The following VPS13A variants were observed in gnomAD, a reference collection of about 807,000 sequenced individuals.
VPS13A encodes the protein intermembrane lipid transfer protein VPS13A.
VPS13A carries 264 observed loss-of-function variants against 390.9 expected under a neutral mutation model. The observed-to-expected ratio is 0.68, with a 90% confidence interval of 0.61 to 0.75. VPS13A has a LOEUF of 0.75. Ranked by LOEUF, VPS13A falls within the 30% of genes least tolerant of loss-of-function variation. The probability of loss-of-function intolerance (pLI) is 0.00; values close to 1 mark genes in which losing one functional copy is unlikely to be tolerated. For missense variants in VPS13A, 3,409 were observed against 3,733.9 expected, an observed-to-expected ratio of 0.91 and a Z score of 2.27; for synonymous variants, 1,231 against 1,227.1, an observed-to-expected ratio of 1.00 and a Z score of -0.07.
In VPS13A at chr9:77,314,082, A is replaced by G; in HGVS notation, c.4205A>G (p.Asp1402Gly). The change falls in exon 36 of 72, where the codon GAT becomes GGT. Residue 1402 changes from aspartate (D) to glycine (G), a missense_variant. Asp to Gly is a moderately conservative substitution (Grantham distance 94). Transcript: ENST00000360280. ...TTLNISFKTD[D>G]LTMVLYSPGP... is the part of the protein sequence containing the mutation. ...CTAAACATAAGCTTCAAAACTGATG[A>G]TCTCACCATGGTGCTGTATAGTCCA... 1 of 1,613,408 alleles carries G rather than the reference A, an allele frequency of 6.2e-7. No individual in the cohort carries two copies. The highest frequency in any genetic ancestry group is 1.1e-5 in the South Asian group (1 of 91,040).
Position 77,340,399 on chromosome 9 carries a change from C to A in VPS13A, c.6880-5C>A. ...GTTTTTGAGCTGTTAATTTTTTTTT[C>A]TTAGGTTGGTGTCACTATAGACCTG... is the stretch of plus-strand genomic sequence containing the variant. On this transcript the variant is annotated splice_polypyrimidine_tract_variant and splice_region_variant and intron_variant, in intron 49 of 71. Transcript: ENST00000360280. 6.2e-7 allele frequency: 1 copy of A among 1,601,022 alleles called. No homozygotes were observed. Among genetic ancestry groups the A allele is most frequent in the Non-Finnish European group, 8.5e-7 (1 of 1,171,826 alleles).
At chr9:77,367,717 A>G (rs531107935) in intron 61 of VPS13A, among the ~76,000 whole-genome samples, 12 of 152,296 alleles carry the variant, frequency 7.9e-5, no homozygotes, top group South Asian at 2.1e-4. Context: ...GACATTTTCT[A>G]TGTGGGCCAT....
chr9:77,215,689 C>T (rs150527974), intron 10 of VPS13A, among the ~76,000 whole-genome samples: 14 of 152,288 alleles, frequency 9.2e-5, no homozygotes, highest in African/African-American at 2.2e-4. Flanking sequence ...AGGGCTAAGA[C>T]GGGGTGCCCA....
intron 31 of VPS13A, among the ~76,000 whole-genome samples, chr9:77,288,869 T>C (rs1356112356): frequency 1.3e-5 from 2 of 152,146 alleles, no homozygotes; most frequent in Non-Finnish European, 2.9e-5. Flanking sequence ...TTCAGTTCTT[T>C]AAGTTTTTTG....
chr9:77,319,904 C>T (rs1434568269), intron 42 of VPS13A, among the ~76,000 whole-genome samples: 1 of 151,986 alleles, frequency 6.6e-6, no homozygotes, highest in African/African-American at 2.4e-5. Flanking sequence ...TTATACCACA[C>T]TCGACACTTT....
chr9:77,219,918 T>G, intron 10 of VPS13A, 36 bp from the exon 11 acceptor site: 2 of 1,607,122 alleles, frequency 1.2e-6, no homozygotes, highest in Non-Finnish European at 1.7e-6. Context: ...TTTGGAAATA[T>G]AACTCAGTTT....
intron 22 of VPS13A, among the ~76,000 whole-genome samples, chr9:77,255,273 GA>G (rs1825376276): frequency 6.6e-6 from 1 of 151,980 alleles, no homozygotes; most frequent in African/African-American, 2.4e-5. Flanking sequence ...TGATCAAGAT[GA>G]TTTTTTTCCT....
chr9:77,207,361 C>T (rs1308804402), intron 5 of VPS13A, among the ~76,000 whole-genome samples: 1 of 147,976 alleles, frequency 6.8e-6, no homozygotes, highest in Non-Finnish European at 1.5e-5. Flanking sequence ...GTTTCATTGG[C>T]ATATATATGA....
At chr9:77,355,912 A>G (rs975855546) in intron 54 of VPS13A, among the ~76,000 whole-genome samples, 6 of 152,194 alleles carry the variant, frequency 3.9e-5, no homozygotes, top group African/African-American at 1.4e-4. Flanking sequence ...GTAGTACACT[A>G]ACAAGTTTTC....
rs538417363 is a variant in VPS13A at position 77,205,297 on chromosome 9, T to C, written c.188-16T>C. 2.5e-4 allele frequency: 348 copies of C among 1,367,032 alleles called. No individual in the cohort carries two copies. The highest frequency in any genetic ancestry group is 5.4e-4 in the African/African-American group (37 of 67,988). 84.7% of individuals were successfully genotyped at this position (1,367,032 alleles called of 1,614,324 possible). A position where few individuals can be genotyped will look rare whatever the true frequency, so the allele number is the denominator to read the frequency against. ...TAATATTTTTTGTCCTTTTTTTTTT[T>C]CCCAAAAAAATGTAGGTAATCTTAA... On this transcript the variant is annotated splice_polypyrimidine_tract_variant and intron_variant, in intron 3 of 71. Transcript: ENST00000360280.
chr9:77,275,586 A>C lies in VPS13A; in HGVS notation c.2601A>C (p.Arg867Ser). The change falls in exon 25 of 72, where the codon AGA (arginine) becomes AGC (serine). Residue 867 changes from arginine to serine, a missense_variant. Arg to Ser is a moderately radical substitution (Grantham distance 110). Around this residue, in one of 5 missense-constraint regions of VPS13A, gnomAD observed 2,717 missense variants for 2,917.4 expected, o/e 0.93. Coordinates refer to ENST00000360280, the MANE Select transcript of VPS13A (RefSeq NM_033305.3). ...CTGGAGTTAAAAGTATTCGAACCAGAAAGTTACAAAAGCAGGATTGTTCAG... is the reference window on the plus strand; with the variant it reads ...CTGGAGTTAAAAGTATTCGAACCAGCAAGTTACAAAAGCAGGATTGTTCAG... ...FPTGVKSIRT[R>S]KLQKQDCSVN... The C allele has an allele frequency of 6.8e-6, 11 of 1,613,816 alleles. No homozygotes were observed. Among genetic ancestry groups the C allele is most frequent in the Non-Finnish European group, 9.3e-6 (11 of 1,179,790 alleles).
chr9:77,295,704 CCA>C lies in VPS13A; in HGVS notation c.3671_3672del (p.Pro1224ArgfsTer3). The part of the protein sequence containing the change: ...KAPVVVIPQS[P>X]VSENVFVADF... ...CCCAGTTGTGGTCATCCCGCAGTCT[CCA>C]GTTTCTGAAAATGTTTTTGTTGCTG... On this transcript the variant is annotated frameshift_variant, in exon 33 of 72. Transcript: ENST00000360280. LOFTEE classifies it high-confidence loss of function. The C allele has an allele frequency of 6.2e-7, 1 of 1,614,016 alleles. No individual in the cohort carries two copies. The highest frequency in any genetic ancestry group is 8.5e-7 in the Non-Finnish European group (1 of 1,179,950).
At chr9:77,183,202 T>G (rs1168942079) in intron 1 of VPS13A, among the ~76,000 whole-genome samples, 1 of 152,218 alleles carries the variant, frequency 6.6e-6, no homozygotes, top group Non-Finnish European at 1.5e-5. Context: ...TATTATGTAT[T>G]AACAGCTTTA....
At chr9:77,178,830 A>G (rs1823821786) in intron 1 of VPS13A, among the ~76,000 whole-genome samples, 1 of 152,230 alleles carries the variant, frequency 6.6e-6, no homozygotes, top group Non-Finnish European at 1.5e-5. Context: ...GTTTAAATAT[A>G]TATTTAAAGT....
intron 31 of VPS13A, among the ~76,000 whole-genome samples, chr9:77,284,342 G>A (rs1486344446): frequency 8.5e-5 from 13 of 152,092 alleles, no homozygotes; most frequent in African/African-American, 3.1e-4. Flanking sequence ...AAAGGAAATA[G>A]ATAAATAGAT....
Position 77,221,289 on chromosome 9 carries a change from A to G in VPS13A, c.1094A>G (p.Tyr365Cys), listed in dbSNP as rs146265794. 80 of 1,613,560 alleles carry G rather than the reference A, an allele frequency of 5.0e-5. No individual in the cohort carries two copies. Among genetic ancestry groups the G allele is most frequent in the Admixed American group, 2.2e-4 (13 of 59,976 alleles). ...IRKHRQKVKQ[Y>C]KELYKKKLTS... ...AAACATAGGCAAAAAGTGAAGCAATATAAAGAACTGTATAAAAAAAAGTTA... is the reference window on the plus strand; with the variant it reads ...AAACATAGGCAAAAAGTGAAGCAATGTAAAGAACTGTATAAAAAAAAGTTA... The change falls in exon 13 of 72, where the codon TAT becomes TGT. Residue 365 changes from tyrosine to cysteine, a missense_variant. By Grantham distance (194) the Tyr-to-Cys change is radical (BLOSUM62 -2). Coordinates refer to ENST00000360280, the MANE Select transcript of VPS13A (RefSeq NM_033305.3).
intron 57 of VPS13A, 121 bp from the exon 58 acceptor site, chr9:77,359,212 T>G: frequency 1.2e-6 from 1 of 851,706 alleles, no homozygotes; most frequent in South Asian, 1.6e-5. Flanking sequence ...ATATCAGTAA[T>G]TTTAACTGAT....
intron 35 of VPS13A, among the ~76,000 whole-genome samples, chr9:77,312,330 T>C (rs1264893626): frequency 6.6e-6 from 1 of 152,162 alleles, no homozygotes; most frequent in African/African-American, 2.4e-5. Flanking sequence ...TAATAGCAAC[T>C]TTTTAAAAGC....
Position 77,273,374 on chromosome 9 carries a change from A to T in VPS13A, c.2512+10A>T, listed in dbSNP as rs2131325531. The T allele has an allele frequency of 1.9e-6, 3 of 1,592,364 alleles. No homozygotes were observed. On this transcript the variant is annotated intron_variant, in intron 24 of 71. Transcript: ENST00000360280. ...TCTGTTTCTGAAGATGGTAAAATGA[A>T]ACTGCTTAAGGATATTTTTCTTATT...
Sources: allele counts gnomAD v4.1 joint callset (sites outside exome capture counted in the v4.1 genomes callset), GRCh38; gene constraint gnomAD v4.1.1; regional missense constraint gnomAD v4.1.1; transcripts MANE v1.5; gene names NCBI Gene and HGNC (gene_info 2026-07-23, HGNC 2026-07-21).